The following FGD3 variants were observed in gnomAD, a reference collection of about 807,000 sequenced individuals.
FGD3 encodes the protein FYVE, RhoGEF and PH domain-containing protein 3.
A neutral mutation model predicts 71.8 loss-of-function variants in FGD3; 45 were observed. The ratio of observed to expected loss-of-function variants is 0.63; its 90% CI spans 0.49 to 0.80. The LOEUF is 0.80. Among genes scored for constraint, FGD3 ranks in the 30% least tolerant of loss-of-function variants. The probability of loss-of-function intolerance (pLI) is 0.00; values close to 1 mark genes in which losing one functional copy is unlikely to be tolerated. For missense variants in FGD3, 844 were observed against 951.5 expected (o/e 0.89, Z 1.49); for synonymous variants, 378 against 392.8 (o/e 0.96, Z 0.44).
intron 8 of FGD3, among the ~76,000 whole-genome samples, chr9:93,012,849 C>T (rs1432590014): frequency 2.6e-5 from 4 of 152,000 alleles, no homozygotes; most frequent in Non-Finnish European, 5.9e-5. Flanking sequence ...CCCCCTGGGA[C>T]ATGACAGGTG....
intron 3 of FGD3, among the ~76,000 whole-genome samples, chr9:92,982,650 C>T (rs1860041486): frequency 6.6e-6 from 1 of 151,434 alleles, no homozygotes; most frequent in African/African-American, 2.4e-5. Context: ...GCAGTTCGCT[C>T]CTGTTCTGCT....
chr9:93,030,308 C>T (rs1254992802), intron 15 of FGD3, among the ~76,000 whole-genome samples: 3 of 152,196 alleles, frequency 2.0e-5, no homozygotes, highest in Admixed American at 1.3e-4. Flanking sequence ...AGTCCTCATT[C>T]CTTGCAAGGT....
At chr9:93,000,769 C>A (rs767078957) in intron 3 of FGD3, among the ~76,000 whole-genome samples, 1 of 152,112 alleles carries the variant, frequency 6.6e-6, no homozygotes, top group African/African-American at 2.4e-5. Context: ...TGGTATGGTT[C>A]TCTGTTGATT....
At chr9:93,010,462 AGAG>A in intron 7 of FGD3, 78 bp downstream of exon 7, 1 of 1,456,912 alleles carries the variant, frequency 6.9e-7, no homozygotes, top group Non-Finnish European at 9.2e-7. Flanking sequence ...AGAGGGAGAG[AGAG>A]AGTCGTGGGG....
At chr9:93,029,598 C>G (rs1862277066) in intron 14 of FGD3, among the ~76,000 whole-genome samples, 1 of 152,214 alleles carries the variant, frequency 6.6e-6, no homozygotes, top group South Asian at 2.1e-4. Context: ...TCAGATGCAC[C>G]AGATAAAGTC....
chr9:92,976,731 C>A, intron 3 of FGD3, 22 bp downstream of exon 3: 1 of 1,538,424 alleles, frequency 6.5e-7, no homozygotes. Flanking sequence ...CTTCTCTGTC[C>A]CCGCTGCGGG....
At chr9:92,987,787 G>C (rs572043980) in intron 3 of FGD3, among the ~76,000 whole-genome samples, 4 of 152,322 alleles carry the variant, frequency 2.6e-5, no homozygotes, top group African/African-American at 9.6e-5. Context: ...ATGCTCACTT[G>C]AGCCATTCTT....
chr9:93,027,715 C>CTTTTTTTTTTTTTTTTTTTTTT (rs1199094054), intron 14 of FGD3, among the ~76,000 whole-genome samples: 1 of 102,002 alleles, frequency 9.8e-6, no homozygotes, highest in African/African-American at 4.0e-5. Context: ...TTCTTTCTTT[C>CTTTTTTTTTTTTTTTTTTTTTT]TTTTTTTTTT....
Position 93,030,012 on chromosome 9 carries a change from G to A in FGD3, c.1680+16G>A, listed in dbSNP as rs1182389780. On this transcript the variant is annotated intron_variant, in intron 15 of 17. Transcript: ENST00000375482. ...GTGTGGGGCGGTGAGTCCCGGGAGA[G>A]GGGGACAGGGACAGGAGGCCACCCT... 2 of 1,609,152 alleles carry A rather than the reference G, an allele frequency of 1.2e-6. No homozygotes were observed. The highest frequency in any genetic ancestry group is 3.3e-5 in the Admixed American group (2 of 59,854).
chr9:93,023,795 CTT>C (rs569058583), intron 14 of FGD3, among the ~76,000 whole-genome samples: 4,071 of 107,156 alleles, frequency 0.038, 93 homozygotes, highest in African/African-American at 0.074. Flanking sequence ...CCATCAGCAA[CTT>C]TTTTTTTTTT....
At position 93,035,418 on chromosome 9, in the gene FGD3, G is replaced by A. The variant is rs766526163; in HGVS notation, c.2007G>A (p.Gly669=). The A allele has an allele frequency of 1.2e-6, 2 of 1,612,074 alleles. No individual in the cohort carries two copies. The highest frequency in any genetic ancestry group is 4.5e-5 in the East Asian group (2 of 44,798). Residue 669 remains glycine, a synonymous_variant, in exon 18 of 18, where the codon GGG becomes GGA. Transcript: ENST00000375482. ...ACCCTGAGGAGAGGCTGGACTCGGG[G>A]CATGTGTGGAAGCTGCAGTGGGCCA... ...VPDPEERLDS[G]HVWKLQWAKQ...
chr9:93,022,572 T>G (rs1226711726), intron 14 of FGD3, among the ~76,000 whole-genome samples, 183 bp downstream of exon 14: 1 of 152,086 alleles, frequency 6.6e-6, no homozygotes, highest in African/African-American at 2.4e-5. Context: ...GGTGAAGCTA[T>G]GTCTGAGTCC....
rs147070166 is a variant in FGD3 at position 93,024,708 on chromosome 9, C to G, written c.1557+2319C>G. The stretch of plus-strand genomic sequence containing the variant: ...ATGCCCTGGGTGGGCAGGACCTGGG[C>G]GGGTTGTAGGAACAGCAGGAGCCCA... On this transcript the variant is annotated intron_variant, in intron 14 of 17. Coordinates refer to ENST00000375482, the MANE Select transcript of FGD3 (RefSeq NM_001083536.2). Among the ~76,000 whole-genome samples the G allele has an allele frequency of 2.9e-3, 447 of 152,292 alleles. 1 individual carries two copies. The highest frequency in any genetic ancestry group is 0.01 in the African/African-American group (431 of 41,558).
At chr9:92,990,672 A>T (rs1273397991) in intron 3 of FGD3, among the ~76,000 whole-genome samples, 1 of 152,212 alleles carries the variant, frequency 6.6e-6, no homozygotes, top group Non-Finnish European at 1.5e-5. Flanking sequence ...CATATATTAA[A>T]ATGATCATAT....
intron 1 of FGD3, among the ~76,000 whole-genome samples, chr9:92,951,068 G>C (rs1858946293): frequency 6.6e-6 from 1 of 152,184 alleles, no homozygotes; most frequent in East Asian, 1.9e-4. Context: ...GCCAGGGGCT[G>C]CTGAGACACC....
chr9:93,031,113 TGATG>T (rs1262081799), intron 15 of FGD3, among the ~76,000 whole-genome samples: 1 of 151,650 alleles, frequency 6.6e-6, no homozygotes, highest in Non-Finnish European at 1.5e-5. Context: ...GATGGATGGA[TGATG>T]GATGGATGAA....
At chr9:92,999,596 T>C (rs1860782078) in intron 3 of FGD3, among the ~76,000 whole-genome samples, 1 of 151,392 alleles carries the variant, frequency 6.6e-6, no homozygotes, top group African/African-American at 2.4e-5. Context: ...AACCTTTTTT[T>C]TTTTTTTTTT....
chr9:92,976,163 T>C, intron 2 of FGD3, 45 bp from the exon 3 acceptor site: 1 of 1,215,964 alleles, frequency 8.2e-7, no homozygotes, highest in Non-Finnish European at 1.1e-6. Flanking sequence ...AGGGTGCTGG[T>C]CCATGCCTGG....
intron 14 of FGD3, among the ~76,000 whole-genome samples, chr9:93,024,059 G>A (rs1029366958): frequency 6.6e-6 from 1 of 152,074 alleles, no homozygotes; most frequent in Non-Finnish European, 1.5e-5. Context: ...CCTCAGCTGG[G>A]ATTACAGGCG....
Sources: allele counts gnomAD v4.1 joint callset (sites outside exome capture counted in the v4.1 genomes callset), GRCh38; gene constraint gnomAD v4.1.1; transcripts MANE v1.5; gene names NCBI Gene and HGNC (gene_info 2026-07-23, HGNC 2026-07-21).